The following NEK1 variants were observed in gnomAD, a reference collection of about 807,000 sequenced individuals.
NEK1 encodes serine/threonine-protein kinase Nek1.
NEK1 carries 137 observed loss-of-function variants against 182.1 expected under a neutral mutation model. The observed-to-expected ratio is 0.75, with a 90% confidence interval of 0.65 to 0.87. The LOEUF is 0.87. NEK1 is among the 40% of genes least tolerant of loss of function. The pLI is 0.00. For synonymous variants in NEK1, 513 were observed against 492.2 expected (o/e 1.04, Z -0.56); for missense variants, 1,391 against 1,494.4 (o/e 0.93, Z 1.14).
intron 27 of NEK1, among the ~76,000 whole-genome samples, chr4:169,461,470 C>T (rs1441889945): frequency 6.6e-6 from 1 of 152,054 alleles, no homozygotes; most frequent in Non-Finnish European, 1.5e-5. Flanking sequence ...CCAAAAGGGC[C>T]ATATGTGTTA....
At chr4:169,399,700 A>C (rs1178741370) in intron 35 of NEK1, among the ~76,000 whole-genome samples, 1 of 152,192 alleles carries the variant, frequency 6.6e-6, no homozygotes. Flanking sequence ...AGCTCACTGC[A>C]GCTTCAAACT....
At chr4:169,425,198 T>G (rs1736163708) in intron 30 of NEK1, among the ~76,000 whole-genome samples, 2 of 144,342 alleles carry the variant, frequency 1.4e-5, no homozygotes, top group South Asian at 4.4e-4. Flanking sequence ...TTAGCCAAGG[T>G]GGAGGATTGC....
intron 19 of NEK1, among the ~76,000 whole-genome samples, chr4:169,527,864 A>G (rs959402944): frequency 6.6e-6 from 1 of 152,130 alleles, no homozygotes; most frequent in African/African-American, 2.4e-5. Context: ...ACTTAAACAC[A>G]CCAATGAAAA....
At chr4:169,515,500 C>CTTTT (rs199732218) in intron 19 of NEK1, among the ~76,000 whole-genome samples, 3 of 141,700 alleles carry the variant, frequency 2.1e-5, no homozygotes, top group African/African-American at 7.8e-5. Flanking sequence ...GCAATAACTT[C>CTTTT]TTTTTTTTTT....
chr4:169,399,168 C>T (rs955305221), intron 35 of NEK1, among the ~76,000 whole-genome samples: 1 of 151,988 alleles, frequency 6.6e-6, no homozygotes, highest in African/African-American at 2.4e-5. Context: ...TCACTTGAAC[C>T]CAGGAGGCAG....
At chr4:169,480,625 T>TGACCCCTGGATGTTGGGGTGGC (rs1481337685) in intron 23 of NEK1, among the ~76,000 whole-genome samples, 1 of 151,938 alleles carries the variant, frequency 6.6e-6, no homozygotes, top group Admixed American at 6.6e-5. Flanking sequence ...ATCAGGGTGG[T>TGACCCCTGGATGTTGGGGTGGC]GACTCCTGGA....
At chr4:169,536,855 G>C (rs1354223692) in intron 19 of NEK1, among the ~76,000 whole-genome samples, 1 of 152,150 alleles carries the variant, frequency 6.6e-6, no homozygotes, top group Non-Finnish European at 1.5e-5. Flanking sequence ...CTACTATCTA[G>C]AGGAAAGATA....
intron 19 of NEK1, among the ~76,000 whole-genome samples, chr4:169,511,417 T>C (rs776861487): frequency 2.6e-5 from 4 of 152,072 alleles, no homozygotes; most frequent in East Asian, 1.9e-4. Context: ...TGGTAGTGAA[T>C]TGAGTATTGC....
intron 19 of NEK1, among the ~76,000 whole-genome samples, chr4:169,530,766 T>C (rs573571812): frequency 2.6e-5 from 4 of 151,460 alleles, no homozygotes; most frequent in Admixed American, 1.3e-4. Flanking sequence ...CGGGGGGTGA[T>C]GGAATTGTTC....
intron 27 of NEK1, among the ~76,000 whole-genome samples, chr4:169,446,225 T>TA (rs1213007104): frequency 1.3e-5 from 2 of 149,942 alleles, no homozygotes; most frequent in Non-Finnish European, 3.0e-5. Flanking sequence ...AAACAGACAC[T>TA]AAAAAAATCA....
At chr4:169,535,482 AG>A (rs1339132039) in intron 19 of NEK1, among the ~76,000 whole-genome samples, 1 of 152,152 alleles carries the variant, frequency 6.6e-6, no homozygotes, top group Non-Finnish European at 1.5e-5. Flanking sequence ...TGAACAAAAT[AG>A]GGAGCATCAT....
chr4:169,492,195 T>C (rs759805348), intron 23 of NEK1, among the ~76,000 whole-genome samples: 9 of 152,200 alleles, frequency 5.9e-5, no homozygotes, highest in Admixed American at 2.6e-4. Context: ...AGATTTAGAA[T>C]GGATGGAAAA....
chr4:169,543,749 T>C lies in NEK1; in HGVS notation c.1563-5838A>G, dbSNP rs563062195. 3.3e-5 allele frequency among the ~76,000 whole-genome samples: 5 copies of C among 152,344 alleles called. No individual in the cohort carries two copies. In the East Asian group the frequency reaches 7.7e-4, roughly 24 times the overall value. On this transcript the variant is annotated intron_variant, in intron 18 of 35. Transcript: ENST00000507142. Reference sequence around the variant, plus strand: ...AGGTATTTTATTCTCTTTGTAGCAATTGTGAATGGGAGTTGACTCATAATT... The same window carrying C: ...AGGTATTTTATTCTCTTTGTAGCAACTGTGAATGGGAGTTGACTCATAATT...
At position 169,477,304 on chromosome 4, in the gene NEK1, C is replaced by G. The variant is rs1747141670; in HGVS notation, c.2254G>C (p.Glu752Gln). 2.5e-6 allele frequency: 4 copies of G among 1,586,846 alleles called. No homozygotes were observed. The highest frequency in any genetic ancestry group is 1.1e-5 in the South Asian group (1 of 87,500). ...AGATTCTGCTTTCCTTTTTCATCTT[C>G]TTGAGCTTTAAGATTTTCATTTAAT... ...RRLNENLKAQ[E>Q]DEKGKQNLSD... Residue 752 changes from glutamate to glutamine, a missense_variant, in exon 26 of 36, where the codon GAA becomes CAA. Physicochemically the swap from Glu to Gln is conservative, Grantham distance 29. Around this residue, in one of 5 missense-constraint regions of NEK1, gnomAD observed 1,216 missense variants for 1,277.6 expected, o/e 0.95. Coordinates refer to ENST00000507142, the MANE Select transcript of NEK1 (RefSeq NM_001199397.3).
intron 12 of NEK1, among the ~76,000 whole-genome samples, chr4:169,570,630 G>A (rs1268953262): frequency 1.3e-5 from 2 of 150,804 alleles, no homozygotes; most frequent in African/African-American, 2.4e-5. Context: ...GCCCCTGCTA[G>A]GAAGTGAGGA....
chr4:169,569,827 G>T (rs1764381145), intron 12 of NEK1, among the ~76,000 whole-genome samples: 1 of 152,198 alleles, frequency 6.6e-6, no homozygotes, highest in African/African-American at 2.4e-5. Flanking sequence ...GCAGTGTCGT[G>T]ATCTCGGCTC....
At chr4:169,532,173 C>T (rs139435506) in intron 19 of NEK1, among the ~76,000 whole-genome samples, 155 of 152,116 alleles carry the variant, frequency 1.0e-3, no homozygotes, top group Non-Finnish European at 1.7e-3. Flanking sequence ...ATGATGGTGG[C>T]GGCTACGTAA....
chr4:169,490,426 A>G (rs1457437613), intron 23 of NEK1, among the ~76,000 whole-genome samples: 1 of 152,136 alleles, frequency 6.6e-6, no homozygotes, highest in Non-Finnish European at 1.5e-5. Flanking sequence ...GAAACATGAA[A>G]AAGCAGGAAA....
rs763504498 is a variant in NEK1, at chr4:169,561,449, T to C, written c.1266+31A>G. 5 of 1,581,424 alleles carry C rather than the reference T, an allele frequency of 3.2e-6. No homozygotes were observed. In the African/African-American group the frequency reaches 4.0e-5, roughly 13 times the overall value. On this transcript the variant is annotated intron_variant, in intron 16 of 35. Coordinates refer to ENST00000507142, the MANE Select transcript of NEK1 (RefSeq NM_001199397.3). The stretch of plus-strand genomic sequence containing the variant: ...AAGGTGGAACTGGAGGGGAAAATGG[T>C]AGTATAACCATATTGGTATAAAATG...
Sources: gnomAD v4.1 joint callset for allele counts (sites outside exome capture counted in the v4.1 genomes callset) on GRCh38, gnomAD v4.1.1 for gene constraint, gnomAD v4.1.1 regional missense constraint, MANE v1.5 for transcripts, NCBI Gene and HGNC (gene_info 2026-07-23, HGNC 2026-07-21) for gene names.